The following NR1H4 variants were observed in gnomAD, a reference collection of about 807,000 sequenced individuals.
NR1H4 encodes nuclear receptor subfamily 1 group H member 4.
In NR1H4, 23 loss-of-function variants were observed where a neutral mutation model predicts 58.5. The ratio of observed to expected loss-of-function variants is 0.39; its 90% CI spans 0.28 to 0.56. NR1H4 has a LOEUF of 0.56. NR1H4 is among the 20% of genes least tolerant of loss of function. NR1H4 has a pLI of 0.58. For synonymous variants in NR1H4, 214 were observed against 198.0 expected (o/e 1.08, Z -0.68); for missense variants, 487 against 576.9 (o/e 0.84, Z 1.60).
intron 9 of NR1H4, among the ~76,000 whole-genome samples, chr12:100,553,213 T>C (rs150983509): frequency 0.015 from 2,256 of 152,262 alleles, 55 homozygotes; most frequent in African/African-American, 0.052. Flanking sequence ...TTAGCCAGGA[T>C]GGTCTTGATC....
At chr12:100,562,390 C>A (rs1482961510) in intron 10 of NR1H4, among the ~76,000 whole-genome samples, 1 of 151,978 alleles carries the variant, frequency 6.6e-6, no homozygotes, top group Non-Finnish European at 1.5e-5. Flanking sequence ...AAGAGAGTGG[C>A]ACAAAAATGG....
intron 8 of NR1H4, among the ~76,000 whole-genome samples, chr12:100,540,029 G>A (rs995035961): frequency 1.3e-5 from 2 of 152,130 alleles, no homozygotes; most frequent in African/African-American, 4.8e-5. Context: ...AGGGAATGAG[G>A]AGTAGAAAAT....
In NR1H4 at chr12:100,506,645, T is replaced by C. The variant is rs1004509131; in HGVS notation, c.80-4133T>C. On this transcript the variant is annotated intron_variant, in intron 3 of 10. Coordinates refer to ENST00000392986, the MANE Select transcript of NR1H4 (RefSeq NM_001206979.2). ...TGCCTCAGCCTCCCGAGTGGCTGGGTTACACGCACCTGCCACCACGTCCAG... is the reference window on the plus strand; with the variant it reads ...TGCCTCAGCCTCCCGAGTGGCTGGGCTACACGCACCTGCCACCACGTCCAG... Among the ~76,000 whole-genome samples the C allele has an allele frequency of 2.0e-5, 3 of 151,908 alleles. 1 individual carries two copies. In the South Asian group the frequency reaches 6.2e-4, roughly 32 times the overall value.
intron 3 of NR1H4, among the ~76,000 whole-genome samples, chr12:100,503,039 CTTCCATTTTAAATCATACCA>C (rs1274721666): frequency 2.0e-5 from 3 of 152,152 alleles, no homozygotes; most frequent in South Asian, 4.1e-4. Flanking sequence ...GCTTTAAATT[CTTCCATTTTAAATCATACCA>C]TTCCATTTTA....
At position 100,561,842 on chromosome 12, in the gene NR1H4, A is replaced by C. The variant is rs747622389; in HGVS notation, c.1079-43A>C. On this transcript the variant is annotated intron_variant, in intron 9 of 10. Coordinates refer to ENST00000392986, the MANE Select transcript of NR1H4 (RefSeq NM_001206979.2). ...ATGTGTTTCTAGTTTTACACTGTTT[A>C]GTCACTCAAAAATTGTATTATGATT... 1.3e-5 allele frequency: 11 copies of C among 829,338 alleles called. No individual in the cohort carries two copies. The South Asian group carries it at 1.5e-4, about 11-fold the overall frequency. The allele number at this position is 829,338 out of a possible 1,614,324, so 51.4% of individuals were successfully genotyped here.
In NR1H4 at chr12:100,563,763, T is replaced by C. The variant is rs1955525616; in HGVS notation, c.*274T>C. On this transcript the variant is annotated 3_prime_UTR_variant, in exon 11 of 11. Transcript: ENST00000392986. ...TTGATTGTTACTTCAATTCTATCTG[T>C]TGAACTAGGGAAAATCTCATTTTGC... is the stretch of plus-strand genomic sequence containing the variant. 2.4e-6 allele frequency: 1 copy of C among 423,742 alleles called. No homozygotes were observed. Among genetic ancestry groups the C allele is most frequent in the South Asian group, 3.7e-5 (1 of 26,668 alleles). 26.2% of individuals were successfully genotyped at this position (423,742 alleles called of 1,614,324 possible). A position where few individuals can be genotyped will look rare whatever the true frequency, so the allele number is the denominator to read the frequency against.
rs751154221 is a variant in NR1H4 at position 100,536,544 on chromosome 12, T to G, written c.765T>G (p.Thr255=). Residue 255 remains threonine (T), a synonymous_variant, in exon 7 of 11, where the codon ACT becomes ACG. Transcript: ENST00000392986. ...CTGAACTCACCCCAGATCAACAGAC[T>G]CTTCTACATTTTATTATGGATTCAT... is the stretch of plus-strand genomic sequence containing the variant. ...EKTELTPDQQ[T]LLHFIMDSYN... is the part of the protein sequence containing the mutation. 4 of 1,610,376 alleles carry G rather than the reference T, an allele frequency of 2.5e-6. No homozygotes were observed. Among genetic ancestry groups the G allele is most frequent in the Middle Eastern group, 3.3e-4 (2 of 6,050 alleles).
At chr12:100,540,899 A>G (rs1481891897) in intron 9 of NR1H4, 81 bp downstream of exon 9, 13 of 1,336,208 alleles carry the variant, frequency 9.7e-6, no homozygotes, top group East Asian at 4.6e-5. Flanking sequence ...GCTCTTGCCA[A>G]TCTTATGCAA....
At chr12:100,525,302 G>A (rs1309887275) in intron 4 of NR1H4, 1 of 152,112 alleles carries the variant, frequency 6.6e-6, no homozygotes, top group Non-Finnish European at 1.5e-5. Context: ...AAGTTACCCT[G>A]GTTGATGGTC....
chr12:100,526,006 T>TCC (rs2136211352), intron 4 of NR1H4, among the ~76,000 whole-genome samples: 1 of 152,216 alleles, frequency 6.6e-6, no homozygotes, highest in South Asian at 2.1e-4. Context: ...TTGTGTCTTC[T>TCC]CTCTCTCTTT....
In NR1H4 at chr12:100,510,810, G is replaced by C; in HGVS notation, c.112G>C (p.Gly38Arg). 6.2e-7 allele frequency: 1 copy of C among 1,613,932 alleles called. No homozygotes were observed. The highest frequency in any genetic ancestry group is 8.5e-7 in the Non-Finnish European group (1 of 1,179,960). Residue 38 changes from glycine to arginine, a missense_variant, in exon 4 of 11, where the codon GGA (glycine) becomes CGA (arginine). Physicochemically the swap from Gly to Arg is moderately radical, Grantham distance 125. Coordinates refer to ENST00000392986, the MANE Select transcript of NR1H4 (RefSeq NM_001206979.2). Reference sequence around the variant, plus strand: ...AACAGAACAAGTGGCAGGTCCTCTGGGACAGAACCTGGAAGTGGAACCATA... The same window carrying C: ...AACAGAACAAGTGGCAGGTCCTCTGCGACAGAACCTGGAAGTGGAACCATA... The part of the protein sequence containing the change: ...VLTEQVAGPL[G>R]QNLEVEPYSQ...
chr12:100,562,770 G>GCCA (rs1303678356), intron 10 of NR1H4, among the ~76,000 whole-genome samples: 1 of 151,994 alleles, frequency 6.6e-6, no homozygotes, highest in Non-Finnish European at 1.5e-5. Context: ...GTCGAATGAT[G>GCCA]CCATGCTCAT....
At chr12:100,518,788 C>CTTTTTT (rs34055370) in intron 4 of NR1H4, among the ~76,000 whole-genome samples, 7 of 119,272 alleles carry the variant, frequency 5.9e-5, no homozygotes, top group East Asian at 2.5e-4. Flanking sequence ...TGACCAATGA[C>CTTTTTT]TTTTTTTTTT....
At position 100,558,817 on chromosome 12, in the gene NR1H4, G is replaced by A. The variant is rs78407875; in HGVS notation, c.1079-3068G>A. On this transcript the variant is annotated intron_variant, in intron 9 of 10. Transcript: ENST00000392986. Reference sequence around the variant, plus strand: ...GGAAAGGCAGTGTGATAGAGTGATAGAGTGCAGCTTAGCCGTAGCCACTGT... The same window carrying A: ...GGAAAGGCAGTGTGATAGAGTGATAAAGTGCAGCTTAGCCGTAGCCACTGT... Among the ~76,000 whole-genome samples the A allele has an allele frequency of 1.9e-3, 289 of 152,340 alleles. 1 individual carries two copies. Among genetic ancestry groups the A allele is most frequent in the African/African-American group, 6.6e-3 (275 of 41,574 alleles).
chr12:100,563,124 CTTAA>C (rs1243513199), intron 10 of NR1H4, 123 bp from the exon 11 acceptor site: 10 of 771,730 alleles, frequency 1.3e-5, no homozygotes, highest in African/African-American at 1.0e-4. Context: ...AGGTTGAACA[CTTAA>C]TTTTCACATT....
At chr12:100,539,993 C>T (rs940460613) in intron 8 of NR1H4, among the ~76,000 whole-genome samples, 1 of 152,026 alleles carries the variant, frequency 6.6e-6, no homozygotes, top group Non-Finnish European at 1.5e-5. Flanking sequence ...GCCAGGTGGT[C>T]AGTGTGGCTG....
intron 9 of NR1H4, among the ~76,000 whole-genome samples, chr12:100,557,962 T>A (rs568432487): frequency 6.6e-6 from 1 of 152,282 alleles, no homozygotes; most frequent in African/African-American, 2.4e-5. Flanking sequence ...TTGTTTTGTT[T>A]TTCTGTCACC....
rs115232169 is a variant in NR1H4 at position 100,509,596 on chromosome 12, C to G, written c.80-1182C>G. Among the ~76,000 whole-genome samples the G allele has an allele frequency of 7.7e-3, 1,167 of 152,292 alleles. 15 individuals carry two copies. The highest frequency in any genetic ancestry group is 0.027 in the African/African-American group (1,113 of 41,546). ...CCAATGAGGTAGGTGTTATTATTCTCTGTTTTATTAGAAGAAGACTGCAAC... is the reference window on the plus strand; with the variant it reads ...CCAATGAGGTAGGTGTTATTATTCTGTGTTTTATTAGAAGAAGACTGCAAC... On this transcript the variant is annotated intron_variant, in intron 3 of 10. Transcript: ENST00000392986.
intron 9 of NR1H4, among the ~76,000 whole-genome samples, chr12:100,543,734 A>G (rs1342079053): frequency 6.6e-6 from 1 of 152,128 alleles, no homozygotes; most frequent in Non-Finnish European, 1.5e-5. Context: ...AAGTATCCTG[A>G]TTTTAAAGCC....
Sources: gnomAD v4.1 joint callset for allele counts (sites outside exome capture counted in the v4.1 genomes callset) on GRCh38, gnomAD v4.1.1 for gene constraint, MANE v1.5 for transcripts, NCBI Gene and HGNC (gene_info 2026-07-23, HGNC 2026-07-21) for gene names.